The following CRB1 variants were observed in gnomAD, a reference collection of about 807,000 sequenced individuals.
CRB1 encodes crumbs cell polarity complex component 1.
Under a neutral mutation model 120.0 loss-of-function variants are expected in CRB1, and 83 were observed. That is an observed-to-expected ratio of 0.69 (90% confidence interval 0.58 to 0.83). The LOEUF (loss-of-function observed/expected upper bound fraction) is 0.83, where lower values mean the gene tolerates loss of function less well. CRB1 is among the 40% of genes least tolerant of loss of function. CRB1 has a pLI of 0.00. For synonymous variants in CRB1, 625 were observed against 612.5 expected, an observed-to-expected ratio of 1.02 and a Z score of -0.30; for missense variants, 1,699 against 1,687.6, an observed-to-expected ratio of 1.01 and a Z score of -0.12.
At chr1:197,336,304 T>A (rs2125316128) in intron 2 of CRB1, among the ~76,000 whole-genome samples, 1 of 152,294 alleles carries the variant, frequency 6.6e-6, no homozygotes, top group East Asian at 1.9e-4. Flanking sequence ...TGTTCTATCT[T>A]TTCTAAATAT....
intron 11 of CRB1, among the ~76,000 whole-genome samples, chr1:197,453,486 GTGTGTGTATATA>G (rs1330620604): frequency 6.9e-6 from 1 of 144,788 alleles, no homozygotes; most frequent in Non-Finnish European, 1.5e-5. Context: ...TTAAATAACT[GTGTGTGTATATA>G]TATGTGTATA....
At chr1:197,236,923 C>G in the CRB1 span, among the ~76,000 whole-genome samples, 1 of 152,002 alleles carries the variant, frequency 6.6e-6, no homozygotes, top group Non-Finnish European at 1.5e-5. Flanking sequence ...ATTAAACTTG[C>G]TAGCATTTTA....
At chr1:197,396,224 A>T (rs2125423551) in intron 5 of CRB1, among the ~76,000 whole-genome samples, 1 of 152,280 alleles carries the variant, frequency 6.6e-6, no homozygotes, top group South Asian at 2.1e-4. Flanking sequence ...TTTTTAAAGT[A>T]CTATTAATTT....
chr1:197,225,276 T>C, the CRB1 span, among the ~76,000 whole-genome samples: 2 of 152,220 alleles, frequency 1.3e-5, no homozygotes, highest in Non-Finnish European at 2.9e-5. Context: ...TGTTGATTTT[T>C]ATTTTAGACA....
upstream of CRB1, among the ~76,000 whole-genome samples, chr1:197,264,981 T>C (rs898410184): frequency 6.6e-6 from 1 of 152,118 alleles, no homozygotes; most frequent in African/African-American, 2.4e-5. Context: ...TCTTTGATTC[T>C]TTTTTTCTGT....
At chr1:197,252,582 A>ATATATGTGTGTGTGTGTGTGTGTG in the CRB1 span, among the ~76,000 whole-genome samples, 1 of 15,506 alleles carries the variant, frequency 6.4e-5, no homozygotes, top group Non-Finnish European at 1.4e-4. Flanking sequence ...ATATATATAT[A>ATATATGTGTGTGTGTGTGTGTGTG]TGTGTGTGTG....
chr1:197,220,667 TG>T, the CRB1 span, among the ~76,000 whole-genome samples: 1 of 152,244 alleles, frequency 6.6e-6, no homozygotes, highest in Non-Finnish European at 1.5e-5. Context: ...TGATATGGTT[TG>T]GATTTGTGTT....
At chr1:197,246,006 C>T in the CRB1 span, among the ~76,000 whole-genome samples, 1 of 152,214 alleles carries the variant, frequency 6.6e-6, no homozygotes, top group East Asian at 1.9e-4. Flanking sequence ...GCTCCTATGA[C>T]ACTACCATAG....
chr1:197,222,385 C>T, the CRB1 span: 3 of 764,558 alleles, frequency 3.9e-6, no homozygotes, highest in African/African-American at 1.7e-5. Flanking sequence ...GAAAACCTTT[C>T]TTGGCCAGGA....
At chr1:197,354,707 G>C (rs957792872) in intron 4 of CRB1, among the ~76,000 whole-genome samples, 2 of 150,314 alleles carry the variant, frequency 1.3e-5, no homozygotes, top group African/African-American at 4.9e-5. Flanking sequence ...GCAACAGCAA[G>C]AGTTATTTCA....
the CRB1 span, among the ~76,000 whole-genome samples, chr1:197,225,210 A>G: frequency 3.2e-4 from 49 of 151,900 alleles, no homozygotes; most frequent in Admixed American, 2.1e-3. Flanking sequence ...TTTAATCACT[A>G]TTCTACAGCT....
chr1:197,305,903 GA>G (rs5779864), intron 1 of CRB1, among the ~76,000 whole-genome samples: 59,667 of 135,660 alleles, frequency 0.44, 13,596 homozygotes, highest in East Asian at 0.85. Flanking sequence ...AGATCTAATT[GA>G]AAAAAAAAAA....
At chr1:197,313,257 C>T (rs879735932) in intron 1 of CRB1, among the ~76,000 whole-genome samples, 6 of 152,240 alleles carry the variant, frequency 3.9e-5, no homozygotes, top group Middle Eastern at 6.8e-3. Flanking sequence ...AATCACCTGC[C>T]ACCAGGTCCT....
At chr1:197,432,201 G>A (rs1664901274) in intron 8 of CRB1, among the ~76,000 whole-genome samples, 1 of 152,090 alleles carries the variant, frequency 6.6e-6, no homozygotes, top group Admixed American at 6.6e-5. Context: ...GCTCAGCAGA[G>A]TTAGTAAATA....
the CRB1 span, among the ~76,000 whole-genome samples, chr1:197,220,649 A>G: frequency 6.6e-6 from 1 of 152,226 alleles, no homozygotes; most frequent in Non-Finnish European, 1.5e-5. Flanking sequence ...ATTTCTTAGC[A>G]TAATTATTGA....
rs145985303 is a variant in CRB1 at position 197,276,579 on chromosome 1, A to T, written c.70+8097A>T. ...ATTATGTAATTGTGAGCTGGCAAAA[A>T]GTGCTATAGAAGAAAGCAAAAGATG... On this transcript the variant is annotated intron_variant, in intron 1 of 11. Coordinates refer to ENST00000367400, the MANE Select transcript of CRB1 (RefSeq NM_201253.3). Among the ~76,000 whole-genome samples the T allele has an allele frequency of 7.4e-4, 112 of 152,024 alleles. 2 individuals are homozygous for T. The East Asian group carries it at 0.021, about 29-fold the overall frequency.
chr1:197,436,623 G>A (rs924639567), intron 9 of CRB1, among the ~76,000 whole-genome samples: 1 of 152,076 alleles, frequency 6.6e-6, no homozygotes, highest in Non-Finnish European at 1.5e-5. Flanking sequence ...ACAAGAATGA[G>A]TGAATGAATT....
intron 1 of CRB1, among the ~76,000 whole-genome samples, chr1:197,299,028 A>G (rs1409039894): frequency 1.3e-5 from 2 of 152,154 alleles, no homozygotes; most frequent in African/African-American, 4.8e-5. Flanking sequence ...AATTAACTAT[A>G]ATAGTCAAAA....
At chr1:197,415,622 TC>T (rs1464206530) in intron 5 of CRB1, among the ~76,000 whole-genome samples, 2 of 147,410 alleles carry the variant, frequency 1.4e-5, no homozygotes, top group East Asian at 4.0e-4. Flanking sequence ...CTTTTTTTTT[TC>T]TTTTTCTTTT....
Sources: allele counts gnomAD v4.1 joint callset (sites outside exome capture counted in the v4.1 genomes callset), GRCh38; gene constraint gnomAD v4.1.1; transcripts MANE v1.5; gene names NCBI Gene and HGNC (gene_info 2026-07-23, HGNC 2026-07-21).